PARP14: variants seen among roughly 807,000 people sequenced by gnomAD.
The protein encoded by PARP14 is protein mono-ADP-ribosyltransferase PARP14.
PARP14 carries 59 observed loss-of-function variants against 154.2 expected under a neutral mutation model. That is an observed-to-expected ratio of 0.38 (90% CI 0.31 to 0.48). The LOEUF (loss-of-function observed/expected upper bound fraction) is 0.48. Ranked by LOEUF, PARP14 falls within the 20% of genes least tolerant of loss-of-function variation. PARP14 has a pLI of 0.98. For missense variants in PARP14, 1,734 were observed against 2,131.6 expected (o/e 0.81, Z 3.67); for synonymous variants, 720 against 780.5 (o/e 0.92, Z 1.29).
Position 122,712,399 on chromosome 3 carries a change from C to T in PARP14, c.3620-1025C>T, listed in dbSNP as rs375676069. Among the ~76,000 whole-genome samples, 655 of 152,098 alleles carry T rather than the reference C, an allele frequency of 4.3e-3. 4 individuals carry two copies. The highest frequency in any genetic ancestry group is 0.014 in the African/African-American group (593 of 41,482). ...CTGGGATTACAGGCCTGTGCCACCA[C>T]GCCCAGCTAAGTTTTGTATTTTTCT... is the stretch of plus-strand genomic sequence containing the variant. On this transcript the variant is annotated intron_variant, in intron 9 of 16. Transcript: ENST00000474629.
Position 122,728,754 on chromosome 3 carries a change from C to T in PARP14, c.*157C>T. The T allele has an allele frequency of 1.6e-6, 1 of 611,172 alleles. No individual in the cohort carries two copies. The highest frequency in any genetic ancestry group is 2.9e-6 in the Non-Finnish European group (1 of 349,926). The allele number at this position is 611,172 out of a possible 1,614,324, so 37.9% of individuals were successfully genotyped here. A position where few individuals can be genotyped will look rare whatever the true frequency, so the allele number is the denominator to read the frequency against. Reference sequence around the variant, plus strand: ...GTCAGTCTTTCTTCAGCTTCCCTTTCATAATGGAAATGAACTTATTATCTT... The same window carrying T: ...GTCAGTCTTTCTTCAGCTTCCCTTTTATAATGGAAATGAACTTATTATCTT... On this transcript the variant is annotated 3_prime_UTR_variant, in exon 17 of 17. Transcript: ENST00000474629.
chr3:122,701,144 G>A lies in PARP14; in HGVS notation c.2590G>A (p.Ala864Thr). ...AGAGGGCAGACTCCTACCGGGCAAT[G>A]CCACCATCTCCAAGGCAGGAAAGCT... ...KREGRLLPGNATISKAGKLPY... is the reference protein window; with the variant it reads ...KREGRLLPGNTTISKAGKLPY... Residue 864 changes from alanine (A) to threonine (T), a missense_variant, in exon 6 of 17, where the codon GCC (alanine) becomes ACC (threonine). Around this residue, in one of 2 missense-constraint regions of PARP14, gnomAD observed 1,646 missense variants for 1,976.0 expected, o/e 0.83. Coordinates refer to ENST00000474629, the MANE Select transcript of PARP14 (RefSeq NM_017554.3). This position sits in a 1 kb window ranked among gnomAD's most constrained non-coding sequence, Gnocchi z 4.0. 1 of 1,613,980 alleles carries A rather than the reference G, an allele frequency of 6.2e-7. No individual in the cohort carries two copies. The highest frequency in any genetic ancestry group is 1.3e-5 in the African/African-American group (1 of 75,048).
chr3:122,703,007 A>C (rs976813769), intron 6 of PARP14, among the ~76,000 whole-genome samples: 8 of 111,268 alleles, frequency 7.2e-5, no homozygotes, highest in African/African-American at 2.6e-4. Flanking sequence ...AAAAAAAAAA[A>C]AAACAAAAAA....
intron 2 of PARP14, 121 bp downstream of exon 2, chr3:122,685,439 C>A: frequency 1.1e-6 from 1 of 918,248 alleles, no homozygotes; most frequent in Non-Finnish European, 1.7e-6. Context: ...GCGAGAAAAG[C>A]AGATTACAAA....
rs531682578 is a variant in PARP14 at position 122,714,270 on chromosome 3, C to T, written c.3841C>T (p.Arg1281Cys). Reference protein sequence around the residue: ...ERECSQQAQQRKNDYIITGGG... With the variant: ...ERECSQQAQQCKNDYIITGGG... ...TTGTCTGTGTTTCCCAGCTCAGCAG[C>T]GCAAAAATGATTATATAATCACCGG... The change falls in exon 12 of 17, where the codon CGC (arginine) becomes TGC (cysteine). Residue 1281 changes from arginine (R) to cysteine (C), a missense_variant. Arg to Cys is a radical substitution (Grantham distance 180, BLOSUM62 -3). Around this residue, in one of 2 missense-constraint regions of PARP14, gnomAD observed 1,646 missense variants for 1,976.0 expected, o/e 0.83. Coordinates refer to ENST00000474629, the MANE Select transcript of PARP14 (RefSeq NM_017554.3). 2.2e-5 allele frequency: 35 copies of T among 1,594,316 alleles called. No individual in the cohort carries two copies. Among genetic ancestry groups the T allele is most frequent in the Middle Eastern group, 1.7e-4 (1 of 6,002 alleles).
intron 3 of PARP14, among the ~76,000 whole-genome samples, chr3:122,689,910 C>T (rs1938486720): frequency 6.6e-6 from 1 of 152,330 alleles, no homozygotes; most frequent in African/African-American, 2.4e-5. Flanking sequence ...TTTTGAGCCA[C>T]ATCAGTCAAA....
rs1933056200 is a variant in PARP14, at chr3:122,718,381, A to T, written c.4230A>T (p.Gln1410His). The change falls in exon 14 of 17, where the codon CAA becomes CAT. Residue 1410 changes from glutamine to histidine, a missense_variant. Gln to His is a conservative substitution (Grantham distance 24, BLOSUM62 0). Around this residue, in one of 2 missense-constraint regions of PARP14, gnomAD observed 1,646 missense variants for 1,976.0 expected, o/e 0.83. Coordinates refer to ENST00000474629, the MANE Select transcript of PARP14 (RefSeq NM_017554.3). ...KLASFLGFSKQSPQKKNHLVL... is the reference protein window; with the variant it reads ...KLASFLGFSKHSPQKKNHLVL... ...TAGCATTTTTGGGCTTTTCAAAGCA[A>T]TCTCCCCAAAAAAAGAATCATTTGG... 6.2e-7 allele frequency: 1 copy of T among 1,612,608 alleles called. No homozygotes were observed. The highest frequency in any genetic ancestry group is 1.3e-5 in the African/African-American group (1 of 74,958).
chr3:122,711,693 G>A (rs962820302), intron 9 of PARP14, among the ~76,000 whole-genome samples: 1 of 152,128 alleles, frequency 6.6e-6, no homozygotes, highest in Non-Finnish European at 1.5e-5. Context: ...GAATTCAGCT[G>A]TGAATCCACC....
chr3:122,684,372 T>A (rs1214130279), intron 1 of PARP14, among the ~76,000 whole-genome samples: 1 of 152,252 alleles, frequency 6.6e-6, no homozygotes, highest in East Asian at 1.9e-4. Flanking sequence ...TTCATATCTC[T>A]CTGGCTGCTC....
intron 4 of PARP14, 102 bp downstream of exon 4, chr3:122,692,645 G>A: frequency 1.0e-6 from 1 of 970,732 alleles, no homozygotes; most frequent in Non-Finnish European, 1.5e-6. Context: ...ACTCTTTCTA[G>A]TAGCTACTAA....
At chr3:122,683,706 C>G (rs1055116092) in intron 1 of PARP14, among the ~76,000 whole-genome samples, 2 of 152,176 alleles carry the variant, frequency 1.3e-5, no homozygotes, top group African/African-American at 4.8e-5. Flanking sequence ...TGACTTTCTC[C>G]TTTTTGGAGA....
Position 122,700,992 on chromosome 3 carries a change from G to C in PARP14, c.2438G>C (p.Arg813Pro). The change falls in exon 6 of 17, where the codon CGG becomes CCG. Residue 813 changes from arginine (R) to proline (P), a missense_variant. Coordinates refer to ENST00000474629, the MANE Select transcript of PARP14 (RefSeq NM_017554.3). Reference protein sequence around the residue: ...VLIVQQGDLARLPVDVVVNAS... With the variant: ...VLIVQQGDLAPLPVDVVVNAS... The stretch of plus-strand genomic sequence containing the variant: ...ATTGTGCAGCAGGGTGACTTGGCAC[G>C]GCTTCCTGTCGATGTGGTGGTGAAT... The C allele has an allele frequency of 6.2e-7, 1 of 1,613,954 alleles. No homozygotes were observed. Among genetic ancestry groups the C allele is most frequent in the Non-Finnish European group, 8.5e-7 (1 of 1,179,872 alleles).
At chr3:122,690,703 G>T (rs1420496964) in intron 3 of PARP14, among the ~76,000 whole-genome samples, 2 of 152,142 alleles carry the variant, frequency 1.3e-5, no homozygotes, top group Admixed American at 1.3e-4. Flanking sequence ...GTAGAGACAG[G>T]GTTTCATCAC....
At chr3:122,708,317 C>T in intron 9 of PARP14, 49 bp downstream of exon 9, 2 of 963,382 alleles carry the variant, frequency 2.1e-6, no homozygotes, top group Non-Finnish European at 3.2e-6. Context: ...TGCTAAGTAA[C>T]TGTTCATTGG....
At chr3:122,693,222 G>A (rs1344724652) in intron 4 of PARP14, among the ~76,000 whole-genome samples, 1 of 152,214 alleles carries the variant, frequency 6.6e-6, no homozygotes, top group East Asian at 1.9e-4. Flanking sequence ...ATGAGTAAGT[G>A]CGTGTGATGC....
chr3:122,725,662 TATA>T (rs1933270001), intron 15 of PARP14, among the ~76,000 whole-genome samples: 3 of 152,186 alleles, frequency 2.0e-5, no homozygotes, highest in Non-Finnish European at 4.4e-5. Flanking sequence ...CTTTTAATCT[TATA>T]ATAAGTGTAT....
intron 4 of PARP14, among the ~76,000 whole-genome samples, chr3:122,693,727 G>A (rs1221641566): frequency 6.6e-6 from 1 of 151,856 alleles, no homozygotes; most frequent in African/African-American, 2.4e-5. Context: ...CGTCCTCCCA[G>A]CTACTCAGGA....
chr3:122,697,367 A>G (rs919980580), intron 5 of PARP14, among the ~76,000 whole-genome samples: 1 of 152,230 alleles, frequency 6.6e-6, no homozygotes, highest in Admixed American at 6.5e-5. Flanking sequence ...TGTTTTGCAC[A>G]TGACGAAACT....
rs879180262 is a variant in PARP14, at chr3:122,714,505, C to A, written c.4000+76C>A. On this transcript the variant is annotated intron_variant, in intron 12 of 16. Coordinates refer to ENST00000474629, the MANE Select transcript of PARP14 (RefSeq NM_017554.3). Reference sequence around the variant, plus strand: ...TTTCATTTGGAGCTGAGTGTGAATGCGGTCAGTGCTGAGTCTGACCCAGGG... The same window carrying A: ...TTTCATTTGGAGCTGAGTGTGAATGAGGTCAGTGCTGAGTCTGACCCAGGG... The A allele has an allele frequency of 5.8e-5, 70 of 1,203,486 alleles. 2 individuals are homozygous for A. The South Asian group carries it at 1.0e-3, about 18-fold the overall frequency. 74.6% of individuals were successfully genotyped at this position (1,203,486 alleles called of 1,614,324 possible). A position where few individuals can be genotyped will look rare whatever the true frequency, so the allele number is the denominator to read the frequency against.
Sources: allele counts gnomAD v4.1 joint callset (sites outside exome capture counted in the v4.1 genomes callset), GRCh38; gene constraint gnomAD v4.1.1; regional missense constraint gnomAD v4.1.1; non-coding constraint Gnocchi (gnomAD v3.1); transcripts MANE v1.5; gene names NCBI Gene and HGNC (gene_info 2026-07-23, HGNC 2026-07-21).